Variants in BBS9 observed in about 807,000 individuals in gnomAD.
The protein encoded by BBS9 is protein PTHB1.
BBS9 carries 89 observed loss-of-function variants against 117.7 expected under a neutral mutation model. The observed-to-expected ratio is 0.76, with a 90% confidence interval of 0.64 to 0.90. BBS9 has a LOEUF of 0.90. Among genes scored for constraint, BBS9 ranks in the 40% least tolerant of loss-of-function variants. The pLI is 0.00. For missense variants in BBS9, 982 were observed against 1,042.2 expected (o/e 0.94, Z 0.80); for synonymous variants, 379 against 370.9 (o/e 1.02, Z -0.25).
intron 9 of BBS9, among the ~76,000 whole-genome samples, chr7:33,305,588 C>T (rs1240009189): frequency 2.6e-5 from 4 of 151,984 alleles, no homozygotes; most frequent in Non-Finnish European, 5.9e-5. Flanking sequence ...TCTCGTTACT[C>T]GATATTGATA....
exon 22 of BBS9, among the ~76,000 whole-genome samples, chr7:33,635,399 G>T (rs1291421131): frequency 6.6e-6 from 1 of 152,164 alleles, no homozygotes; most frequent in Non-Finnish European, 1.5e-5. Flanking sequence ...AGAAAGAGGA[G>T]CCCAGAGCCG....
chr7:33,436,823 A>G (rs1439154403), intron 19 of BBS9, among the ~76,000 whole-genome samples: 2 of 152,226 alleles, frequency 1.3e-5, no homozygotes, highest in Non-Finnish European at 2.9e-5. Context: ...TCTCATTGTT[A>G]ATAGATGCCA....
At chr7:33,373,493 AG>A (rs1291754433) in intron 17 of BBS9, among the ~76,000 whole-genome samples, 7 of 152,206 alleles carry the variant, frequency 4.6e-5, no homozygotes, top group African/African-American at 7.2e-5. Flanking sequence ...GTGCTCAAAA[AG>A]TTTGGAAGTT....
intron 16 of BBS9, among the ~76,000 whole-genome samples, chr7:33,364,833 A>G (rs756063217): frequency 6.0e-5 from 9 of 150,428 alleles, no homozygotes; most frequent in Admixed American, 6.6e-5. Flanking sequence ...GGCTCAAGCA[A>G]TCCTCCGACC....
chr7:33,387,908 CT>C, intron 18 of BBS9, 83 bp from the exon 19 acceptor site: 1 of 1,456,666 alleles, frequency 6.9e-7, no homozygotes, highest in South Asian at 1.2e-5. Context: ...TACTCTTTTA[CT>C]TTTATTATCA....
intron 9 of BBS9, among the ~76,000 whole-genome samples, chr7:33,309,172 C>A (rs1428356974): frequency 6.6e-6 from 1 of 152,084 alleles, no homozygotes; most frequent in African/African-American, 2.4e-5. Flanking sequence ...AAAACTGATG[C>A]CTGGATTGCA....
chr7:33,618,954 A>G (rs1272516166), intron 21 of BBS9, among the ~76,000 whole-genome samples: 1 of 152,170 alleles, frequency 6.6e-6, no homozygotes, highest in Non-Finnish European at 1.5e-5. Flanking sequence ...GAGGAAGAAT[A>G]GAACAAAAGT....
chr7:33,203,483 T>C (rs1786285665), intron 5 of BBS9, among the ~76,000 whole-genome samples: 1 of 152,162 alleles, frequency 6.6e-6, no homozygotes, highest in African/African-American at 2.4e-5. Context: ...CAGAGACTTT[T>C]CTGGGCTTAC....
At chr7:33,450,269 A>G (rs1287439969) in intron 19 of BBS9, among the ~76,000 whole-genome samples, 3 of 152,114 alleles carry the variant, frequency 2.0e-5, no homozygotes, top group Non-Finnish European at 4.4e-5. Context: ...TTCTTTATTC[A>G]TCTTTGGATG....
intron 20 of BBS9, among the ~76,000 whole-genome samples, chr7:33,517,575 A>C (rs1847983328): frequency 6.6e-6 from 1 of 152,004 alleles, no homozygotes; most frequent in Non-Finnish European, 1.5e-5. Context: ...TACACCCTTT[A>C]TTGCTTTTTC....
intron 1 of BBS9, among the ~76,000 whole-genome samples, chr7:33,133,506 C>T (rs1789947441): frequency 1.3e-5 from 2 of 152,304 alleles, no homozygotes; most frequent in African/African-American, 4.8e-5. Flanking sequence ...TAAACAGAAT[C>T]ATATAATAGG....
chr7:33,168,547 T>G (rs190856240), intron 4 of BBS9, among the ~76,000 whole-genome samples: 8 of 152,320 alleles, frequency 5.3e-5, no homozygotes, highest in Admixed American at 2.0e-4. Context: ...AATTTTACTT[T>G]TGTATTAGTG....
Position 33,341,174 on chromosome 7 carries a change from G to A in BBS9, c.1275+201G>A, listed in dbSNP as rs549991620. On this transcript the variant is annotated intron_variant, in intron 11 of 22. Transcript: ENST00000242067. ...AAGGAGCTCCTTGGGCAGGATTTCTGTTTTAAAAAGAAGTGGGGTTGTAGG... is the reference window on the plus strand; with the variant it reads ...AAGGAGCTCCTTGGGCAGGATTTCTATTTTAAAAAGAAGTGGGGTTGTAGG... 2.6e-5 allele frequency among the ~76,000 whole-genome samples: 4 copies of A among 152,262 alleles called. No individual in the cohort carries two copies. The South Asian group carries it at 8.3e-4, about 32-fold the overall frequency.
At chr7:33,516,473 A>G (rs1585089826) in intron 20 of BBS9, among the ~76,000 whole-genome samples, 3 of 140,370 alleles carry the variant, frequency 2.1e-5, no homozygotes, top group Admixed American at 7.3e-5. Context: ...TGGGCAGCAG[A>G]GCAATTTCAT....
At chr7:33,145,415 G>A (rs1792181671) in intron 1 of BBS9, among the ~76,000 whole-genome samples, 1 of 152,156 alleles carries the variant, frequency 6.6e-6, no homozygotes, top group African/African-American at 2.4e-5. Context: ...AGAAATCAAA[G>A]TAAGGAGAGG....
intron 19 of BBS9, among the ~76,000 whole-genome samples, chr7:33,417,682 A>G (rs1299044716): frequency 2.0e-5 from 3 of 152,210 alleles, no homozygotes; most frequent in Admixed American, 6.5e-5. Context: ...ATGCCTAACT[A>G]TAAGAAAGGA....
At chr7:33,289,812 G>T (rs1562943800) in intron 9 of BBS9, among the ~76,000 whole-genome samples, 1 of 152,172 alleles carries the variant, frequency 6.6e-6, no homozygotes. Context: ...GGGAGGCCAA[G>T]GTGGGCAGAT....
At chr7:33,268,845 G>A (rs144753258) in intron 7 of BBS9, among the ~76,000 whole-genome samples, 61 of 152,280 alleles carry the variant, frequency 4.0e-4, no homozygotes, top group African/African-American at 1.4e-3. Flanking sequence ...TCAGAGTGAG[G>A]CACACATCAG....
chr7:33,543,309 G>GT (rs57654727), intron 21 of BBS9, among the ~76,000 whole-genome samples: 67,726 of 147,962 alleles, frequency 0.46, 15,935 homozygotes, highest in South Asian at 0.57. Context: ...TGATGGGATT[G>GT]TTTTTTTTTT....
Sources: allele counts gnomAD v4.1 joint callset (sites outside exome capture counted in the v4.1 genomes callset), GRCh38; gene constraint gnomAD v4.1.1; transcripts MANE v1.5; gene names NCBI Gene and HGNC (gene_info 2026-07-23, HGNC 2026-07-21).